PPP2R2D: variants seen among roughly 807,000 people sequenced by gnomAD.
PPP2R2D encodes the protein protein phosphatase 2 regulatory subunit Bdelta.
Under a neutral mutation model 31.1 loss-of-function variants are expected in PPP2R2D, and 9 were observed. That is an observed-to-expected ratio of 0.29 (90% CI 0.17 to 0.51). The LOEUF is 0.51. Among genes scored for constraint, PPP2R2D ranks in the 20% least tolerant of loss-of-function variants. The pLI, the probability that PPP2R2D is intolerant of heterozygous loss-of-function variation, is 0.98. For synonymous variants in PPP2R2D, 179 were observed against 172.6 expected (o/e 1.04, Z -0.29); for missense variants, 391 against 465.6 (o/e 0.84, Z 1.48).
chr10:131,915,493 G>C (rs536560568), intron 2 of PPP2R2D, among the ~76,000 whole-genome samples: 6 of 152,296 alleles, frequency 3.9e-5, no homozygotes, highest in African/African-American at 1.2e-4. Context: ...TTGAAGAGAT[G>C]AAGGCTACGG....
At chr10:131,907,174 G>A (rs1306058902) in intron 2 of PPP2R2D, among the ~76,000 whole-genome samples, 2 of 151,894 alleles carry the variant, frequency 1.3e-5, no homozygotes, top group Non-Finnish European at 2.9e-5. Flanking sequence ...ACAGATAATG[G>A]GCATTTGGTA....
chr10:131,954,851 G>A (rs2120036637), intron 8 of PPP2R2D, among the ~76,000 whole-genome samples: 1 of 152,348 alleles, frequency 6.6e-6, no homozygotes, highest in East Asian at 1.9e-4. Context: ...GGAAGAGGAG[G>A]CGAGCTTCAA....
intron 2 of PPP2R2D, among the ~76,000 whole-genome samples, chr10:131,905,236 A>G (rs1236662578): frequency 6.6e-6 from 1 of 152,224 alleles, no homozygotes; most frequent in Non-Finnish European, 1.5e-5. Context: ...GAGTTAAAAT[A>G]GTAAAACCAG....
At chr10:131,929,923 G>A (rs1232496960) in intron 2 of PPP2R2D, among the ~76,000 whole-genome samples, 1 of 152,108 alleles carries the variant, frequency 6.6e-6, no homozygotes, top group Non-Finnish European at 1.5e-5. Context: ...TGTAACTCCT[G>A]TGCTGGGACT....
At position 131,904,987 on chromosome 10, in the gene PPP2R2D, C is replaced by CTT. The variant is rs1421317858; in HGVS notation, c.100+3666_100+3667dup. On this transcript the variant is annotated intron_variant, in intron 2 of 8. Coordinates refer to ENST00000455566, the MANE Select transcript of PPP2R2D (RefSeq NM_018461.5). ...AAAATTTGATGCGCACCCCACCCCC[C>CTT]TTTTTTTTTTAAAAGAATTGGGTTT... 8.9e-3 allele frequency among the ~76,000 whole-genome samples: 1,321 copies of CTT among 148,752 alleles called. 16 individuals are homozygous for CTT. Among genetic ancestry groups the CTT allele is most frequent in the African/African-American group, 0.022 (907 of 40,312 alleles).
chr10:131,918,981 T>C (rs12572497), intron 2 of PPP2R2D, among the ~76,000 whole-genome samples: 16,536 of 105,296 alleles, frequency 0.16, 389 homozygotes, highest in East Asian at 0.21. Flanking sequence ...AATGACACAG[T>C]GTTTGTAGGG....
chr10:131,916,765 A>G (rs1309091951), intron 2 of PPP2R2D, among the ~76,000 whole-genome samples: 2 of 149,930 alleles, frequency 1.3e-5, no homozygotes, highest in African/African-American at 5.0e-5. Flanking sequence ...GGGTGGAATG[A>G]CACAGTGTAG....
chr10:131,908,474 G>A (rs1483420984), intron 2 of PPP2R2D, among the ~76,000 whole-genome samples: 3 of 152,086 alleles, frequency 2.0e-5, no homozygotes, highest in Non-Finnish European at 4.4e-5. Flanking sequence ...TCCTGCTTGT[G>A]GTTCCCTTAT....
chr10:131,946,279 G>T (rs2036538999), intron 7 of PPP2R2D, among the ~76,000 whole-genome samples: 1 of 152,220 alleles, frequency 6.6e-6, no homozygotes, highest in African/African-American at 2.4e-5. Flanking sequence ...TAAAGAATGG[G>T]CTTGACTTTA....
chr10:131,905,340 G>C (rs1286102907), intron 2 of PPP2R2D, among the ~76,000 whole-genome samples: 1 of 152,182 alleles, frequency 6.6e-6, no homozygotes, highest in Non-Finnish European at 1.5e-5. Context: ...TCTGGAAATT[G>C]TTAACTGTTG....
At chr10:131,965,321 TC>T in the PPP2R2D span, among the ~76,000 whole-genome samples, 1 of 152,130 alleles carries the variant, frequency 6.6e-6, no homozygotes, top group African/African-American at 2.4e-5. Context: ...GCTGCCGGTT[TC>T]TTAAGGCTGG....
At chr10:131,936,926 G>A (rs1033955798) in intron 3 of PPP2R2D, among the ~76,000 whole-genome samples, 2 of 152,246 alleles carry the variant, frequency 1.3e-5, no homozygotes, top group South Asian at 4.1e-4. Flanking sequence ...CTGTGGACTT[G>A]AGTGTGTCTG....
At chr10:131,942,034 G>T (rs2036451468) in intron 5 of PPP2R2D, among the ~76,000 whole-genome samples, 1 of 152,178 alleles carries the variant, frequency 6.6e-6, no homozygotes, top group Non-Finnish European at 1.5e-5. Flanking sequence ...AACACGAGTT[G>T]TGCAGTTCCA....
intron 7 of PPP2R2D, among the ~76,000 whole-genome samples, chr10:131,946,329 T>C (rs2036539751): frequency 6.6e-6 from 1 of 152,170 alleles, no homozygotes; most frequent in South Asian, 2.1e-4. Context: ...TCCTGAAACA[T>C]TGCTGACCCT....
chr10:131,935,848 G>A (rs1332025046), intron 3 of PPP2R2D, among the ~76,000 whole-genome samples: 1 of 152,104 alleles, frequency 6.6e-6, no homozygotes, highest in Non-Finnish European at 1.5e-5. Flanking sequence ...CTGATCACCT[G>A]AGGTCGGAAG....
At position 131,945,172 on chromosome 10, in the gene PPP2R2D, C is replaced by G. The variant is rs943748102; in HGVS notation, c.656-123C>G. ...GAATTCGGGATGTGTAACCAGCCTT[C>G]TTAATAGCTAATCCCTTAAACCTCA... On this transcript the variant is annotated intron_variant, in intron 6 of 8. Transcript: ENST00000455566. The surrounding 1 kb of genome is among the most constrained non-coding windows in gnomAD (Gnocchi z 4.8). The G allele has an allele frequency of 2.6e-6, 3 of 1,163,600 alleles. No homozygotes were observed. Among genetic ancestry groups the G allele is most frequent in the Non-Finnish European group, 3.6e-6 (3 of 842,676 alleles). 72.1% of individuals were successfully genotyped at this position (1,163,600 alleles called of 1,614,324 possible).
At chr10:131,906,513 A>G (rs1278760048) in intron 2 of PPP2R2D, among the ~76,000 whole-genome samples, 1 of 152,242 alleles carries the variant, frequency 6.6e-6, no homozygotes, top group African/African-American at 2.4e-5. Context: ...CTGGTAGGAT[A>G]GCCTTTCCAA....
At chr10:131,959,936 G>C (rs2036899703), downstream of PPP2R2D, 1 of 152,236 alleles carries the variant, frequency 6.6e-6, no homozygotes, top group African/African-American at 2.4e-5. Context: ...AGAAGGTGCA[G>C]CCCAGGCGGG....
Position 131,944,180 on chromosome 10 carries a change from G to A in PPP2R2D, c.655+35G>A, listed in dbSNP as rs187560706. 5.3e-5 allele frequency: 83 copies of A among 1,562,654 alleles called. 1 individual carries two copies. In the Admixed American group the frequency reaches 9.0e-4, roughly 17 times the overall value. On this transcript the variant is annotated intron_variant, in intron 6 of 8. Transcript: ENST00000455566. Reference sequence around the variant, plus strand: ...CTCAGAGGGACACTGGCGTCTTCCCGAGGGTGCTCTTTAGATAGTAATTTC... The same window carrying A: ...CTCAGAGGGACACTGGCGTCTTCCCAAGGGTGCTCTTTAGATAGTAATTTC...
Sources: gnomAD v4.1 joint callset for allele counts (sites outside exome capture counted in the v4.1 genomes callset) on GRCh38, gnomAD v4.1.1 for gene constraint, Gnocchi (gnomAD v3.1) non-coding constraint, MANE v1.5 for transcripts, NCBI Gene and HGNC (gene_info 2026-07-23, HGNC 2026-07-21) for gene names.